SLC38A1: variants seen among roughly 807,000 people sequenced by gnomAD.
The protein encoded by SLC38A1 is sodium-coupled neutral amino acid symporter 1.
A neutral mutation model predicts 60.3 loss-of-function variants in SLC38A1; 18 were observed. The ratio of observed to expected loss-of-function variants is 0.30; its 90% confidence interval spans 0.21 to 0.44. SLC38A1 has a LOEUF of 0.44. Among genes scored for constraint, SLC38A1 ranks in the 20% least tolerant of loss-of-function variants. The probability of loss-of-function intolerance (pLI) is 1.00; values close to 1 mark genes in which losing one functional copy is unlikely to be tolerated. For synonymous variants in SLC38A1, 196 were observed against 212.1 expected (o/e 0.92, Z 0.66); for missense variants, 448 against 587.2 (o/e 0.76, Z 2.45).
At chr12:46,220,273 C>T (rs750834830) in intron 5 of SLC38A1, among the ~76,000 whole-genome samples, 26 of 152,200 alleles carry the variant, frequency 1.7e-4, no homozygotes, top group Admixed American at 3.3e-4. Flanking sequence ...CCTGAATGTG[C>T]CATTTCTCCC....
At chr12:46,196,419 A>G (rs1939382004) in intron 16 of SLC38A1, 1 of 1,163,392 alleles carries the variant, frequency 8.6e-7, no homozygotes, top group Non-Finnish European at 1.2e-6. Flanking sequence ...TAGTTTCATT[A>G]TGGGACCAGG....
chr12:46,257,938 G>A (rs894917157), intron 1 of SLC38A1, among the ~76,000 whole-genome samples: 6 of 152,216 alleles, frequency 3.9e-5, no homozygotes, highest in Admixed American at 2.0e-4. Context: ...AAATGGCTAC[G>A]CCATAGACAG....
rs1471390766 is a variant in SLC38A1 at position 46,207,631 on chromosome 12, A to T, written c.389-10T>A. On this transcript the variant is annotated splice_polypyrimidine_tract_variant and intron_variant, in intron 6 of 16. Transcript: ENST00000398637. ...TCATACACCATGCAGCCTATTTAAA[A>T]ATCAAATTTGAGAACACAAGAAATG... 4 of 1,612,552 alleles carry T rather than the reference A, an allele frequency of 2.5e-6. No individual in the cohort carries two copies. Among genetic ancestry groups the T allele is most frequent in the Non-Finnish European group, 8.5e-7 (1 of 1,178,718 alleles).
At chr12:46,222,681 T>C (rs1332794847) in intron 5 of SLC38A1, among the ~76,000 whole-genome samples, 2 of 152,238 alleles carry the variant, frequency 1.3e-5, no homozygotes, top group African/African-American at 2.4e-5. Context: ...GATTTTGCTA[T>C]CACTTGGTGT....
chr12:46,191,407 A>C (rs1286315813), intron 16 of SLC38A1, among the ~76,000 whole-genome samples: 1 of 152,128 alleles, frequency 6.6e-6, no homozygotes, highest in East Asian at 1.9e-4. Context: ...GATTGTCTTG[A>C]CTATGTGAGC....
Position 46,268,084 on chromosome 12 carries a change from G to T in SLC38A1, c.-209+442C>A, listed in dbSNP as rs1942419168. On this transcript the variant is annotated intron_variant, in intron 1 of 16. Transcript: ENST00000398637. The surrounding 1 kb of genome is among the most constrained non-coding windows in gnomAD (Gnocchi z 4.4). ...CACACGATCTCCTCTGGGCCTTGCG[G>T]ACACAGGAAATTTTCACCAAAGGCC... Among the ~76,000 whole-genome samples, 1 of 152,140 alleles carries T rather than the reference G, an allele frequency of 6.6e-6. No individual in the cohort carries two copies. Among genetic ancestry groups the T allele is most frequent in the South Asian group, 2.1e-4 (1 of 4,826 alleles).
In SLC38A1 at chr12:46,195,398, A is replaced by G. The variant is rs548585601; in HGVS notation, c.1362+2322T>C. ...TTCCCAGTCCAGCTACATGGGGGTCAGGGACCTGCTTGGGGAGGCAGTCTG... is the reference window on the plus strand; with the variant it reads ...TTCCCAGTCCAGCTACATGGGGGTCGGGGACCTGCTTGGGGAGGCAGTCTG... On this transcript the variant is annotated intron_variant, in intron 16 of 16. Coordinates refer to ENST00000398637, the MANE Select transcript of SLC38A1 (RefSeq NM_030674.4). Among the ~76,000 whole-genome samples the G allele has an allele frequency of 1.1e-4, 17 of 152,348 alleles. 1 individual carries two copies. In the South Asian group the frequency reaches 3.5e-3, roughly 32 times the overall value.
chr12:46,249,751 A>T (rs1941767714), intron 1 of SLC38A1, among the ~76,000 whole-genome samples: 1 of 152,212 alleles, frequency 6.6e-6, no homozygotes, highest in Non-Finnish European at 1.5e-5. Flanking sequence ...AAATGGCTGA[A>T]TTCCTGGGCA....
At chr12:46,225,379 G>A (rs530882830) in intron 5 of SLC38A1, among the ~76,000 whole-genome samples, 83 of 152,296 alleles carry the variant, frequency 5.4e-4, no homozygotes, top group African/African-American at 2.0e-3. Flanking sequence ...TATGTTCTCT[G>A]GAAAGTATAC....
At chr12:46,195,415 G>T (rs1939325152) in intron 16 of SLC38A1, among the ~76,000 whole-genome samples, 1 of 152,196 alleles carries the variant, frequency 6.6e-6, no homozygotes, top group Non-Finnish European at 1.5e-5. Context: ...TGCTTGGGGA[G>T]GCAGTCTGTC....
chr12:46,261,828 C>T (rs1822088000), intron 1 of SLC38A1, among the ~76,000 whole-genome samples: 1 of 152,224 alleles, frequency 6.6e-6, no homozygotes, highest in African/African-American at 2.4e-5. Context: ...TGGTTCTCAA[C>T]TGGGGACAAT....
At chr12:46,220,100 C>T (rs1386262635) in intron 5 of SLC38A1, among the ~76,000 whole-genome samples, 2 of 152,244 alleles carry the variant, frequency 1.3e-5, no homozygotes, top group South Asian at 2.1e-4. Context: ...ATCTCCTACA[C>T]ATGCCAACTA....
rs865844785 is a variant in SLC38A1, at chr12:46,209,960, G to C, written c.315-833C>G. Reference sequence around the variant, plus strand: ...AAGAAGAAAAAAAATCCAGTCCCCAGATGAAACCGCTCACTTCCTGATGTG... The same window carrying C: ...AAGAAGAAAAAAAATCCAGTCCCCACATGAAACCGCTCACTTCCTGATGTG... On this transcript the variant is annotated intron_variant, in intron 5 of 16. Transcript: ENST00000398637. 9.2e-5 allele frequency among the ~76,000 whole-genome samples: 14 copies of C among 152,314 alleles called. No individual in the cohort carries two copies. In the Middle Eastern group the frequency reaches 0.01, roughly 111 times the overall value.
At chr12:46,207,475 C>T (rs1939959841) in intron 7 of SLC38A1, 54 bp downstream of exon 7, 1 of 1,485,672 alleles carries the variant, frequency 6.7e-7, no homozygotes, top group East Asian at 2.3e-5. Flanking sequence ...CATGTGGCCG[C>T]TCATCCACCA....
chr12:46,244,139 C>T (rs1366468564), intron 1 of SLC38A1, among the ~76,000 whole-genome samples: 16 of 151,992 alleles, frequency 1.1e-4, no homozygotes, highest in Non-Finnish European at 1.5e-5. Context: ...ACAGTGCATA[C>T]ATGCATGAAG....
intron 3 of SLC38A1, among the ~76,000 whole-genome samples, chr12:46,236,314 C>T (rs545849039): frequency 6.6e-6 from 1 of 152,142 alleles, no homozygotes; most frequent in African/African-American, 2.4e-5. Flanking sequence ...GCTTAGCGTT[C>T]CAATAATGGA....
chr12:46,239,629 C>A, intron 3 of SLC38A1, 50 bp downstream of exon 3: 3 of 1,606,414 alleles, frequency 1.9e-6, no homozygotes, highest in South Asian at 1.1e-5. Flanking sequence ...AGGTGTGAGC[C>A]ACGAGCCATT....
chr12:46,266,282 T>C (rs140131719), intron 1 of SLC38A1, among the ~76,000 whole-genome samples: 40 of 152,144 alleles, frequency 2.6e-4, no homozygotes, highest in African/African-American at 8.7e-4. Context: ...TAGTCAGATA[T>C]CAGAAACATG....
chr12:46,193,680 A>G (rs1327562508), intron 16 of SLC38A1, among the ~76,000 whole-genome samples: 3 of 152,008 alleles, frequency 2.0e-5, no homozygotes, highest in Non-Finnish European at 4.4e-5. Context: ...CTTTACCACT[A>G]TGTAGTGGCC....
Sources: gnomAD v4.1 joint callset for allele counts (sites outside exome capture counted in the v4.1 genomes callset) on GRCh38, gnomAD v4.1.1 for gene constraint, Gnocchi (gnomAD v3.1) non-coding constraint, MANE v1.5 for transcripts, NCBI Gene and HGNC (gene_info 2026-07-23, HGNC 2026-07-21) for gene names.